PPIL2: variants seen among roughly 807,000 people sequenced by gnomAD.
PPIL2 encodes peptidylprolyl isomerase like 2, also known as RING-type E3 ubiquitin-protein ligase PPIL2.
A neutral mutation model predicts 75.2 loss-of-function variants in PPIL2; 50 were observed. The ratio of observed to expected loss-of-function variants is 0.66; its 90% CI spans 0.53 to 0.84. The LOEUF is 0.84. Among genes scored for constraint, PPIL2 ranks in the 40% least tolerant of loss-of-function variants. The pLI, the probability that PPIL2 is intolerant of heterozygous loss-of-function variation, is 0.00. For synonymous variants in PPIL2, 245 were observed against 258.8 expected (o/e 0.95, Z 0.51); for missense variants, 590 against 685.0 (o/e 0.86, Z 1.55).
At position 21,689,225 on chromosome 22, in the gene PPIL2, G is replaced by C. The variant is rs60997543; in HGVS notation, c.1139+376G>C. ...GGGAGAGGCGCCTGGAGAGACACAG[G>C]AGGTCTGGCCCTGGTGCATGTGGGG... On this transcript the variant is annotated intron_variant, in intron 15 of 19. Transcript: ENST00000398831. Among the ~76,000 whole-genome samples, 509 of 152,330 alleles carry C rather than the reference G, an allele frequency of 3.3e-3. 2 individuals carry two copies. Among genetic ancestry groups the C allele is most frequent in the African/African-American group, 0.012 (484 of 41,576 alleles).
intron 4 of PPIL2, among the ~76,000 whole-genome samples, chr22:21,671,816 T>C (rs1237841102): frequency 6.6e-6 from 1 of 152,222 alleles, no homozygotes; most frequent in Non-Finnish European, 1.5e-5. Flanking sequence ...TTTGGGAGGC[T>C]GAGGCAGGAG....
In PPIL2 at chr22:21,670,701, C is replaced by T. The variant is rs16990218; in HGVS notation, c.128+90C>T. ...TGCCCCTTGTGGATGTGGGGTTATG[C>T]GTAAAAGTGTGCCTTGAAGATGTGG... On this transcript the variant is annotated intron_variant, in intron 3 of 19. Coordinates refer to ENST00000398831, the MANE Select transcript of PPIL2 (RefSeq NM_014337.4). 2,287 of 1,370,160 alleles carry T rather than the reference C, an allele frequency of 1.7e-3. 24 individuals carry two copies. The African/African-American group carries it at 0.028, about 17-fold the overall frequency. The allele number at this position is 1,370,160 out of a possible 1,614,324, so 84.9% of individuals were successfully genotyped here.
At chr22:21,678,689 C>T (rs1366717564) in intron 6 of PPIL2, among the ~76,000 whole-genome samples, 1 of 152,014 alleles carries the variant, frequency 6.6e-6, no homozygotes, top group East Asian at 1.9e-4. Context: ...TGCTGAAGCC[C>T]CAATTTAAAA....
intron 6 of PPIL2, among the ~76,000 whole-genome samples, chr22:21,677,636 A>G (rs1438373085): frequency 2.6e-5 from 4 of 152,208 alleles, no homozygotes; most frequent in Non-Finnish European, 5.9e-5. Context: ...CAGTGAGCCG[A>G]GATGGCAGCA....
At chr22:21,687,815 G>GGGCCCTGGCCCATCCCAC in intron 13 of PPIL2, 83 bp downstream of exon 13, 1 of 1,398,468 alleles carries the variant, frequency 7.2e-7, no homozygotes, top group Non-Finnish European at 1.0e-6. Flanking sequence ...CCCCATCCCA[G>GGGCCCTGGCCCATCCCAC]GGCCCTGGCC....
chr22:21,697,008 A>G lies in PPIL2; in HGVS notation c.*1518A>G. On this transcript the variant is annotated 3_prime_UTR_variant, in exon 20 of 20. Coordinates refer to ENST00000398831, the MANE Select transcript of PPIL2 (RefSeq NM_014337.4). ...GCTGGCTCCTTCTCTTCTCCAGCCCATCCCTCTGCAGCCTGTCATCCCTGT... is the reference window on the plus strand; with the variant it reads ...GCTGGCTCCTTCTCTTCTCCAGCCCGTCCCTCTGCAGCCTGTCATCCCTGT... 6.5e-7 allele frequency: 1 copy of G among 1,542,548 alleles called. No homozygotes were observed. The highest frequency in any genetic ancestry group is 8.8e-7 in the Non-Finnish European group (1 of 1,141,302).
Position 21,693,861 on chromosome 22 carries a change from C to A in PPIL2, c.1185C>A (p.Thr395=). Reference sequence around the variant, plus strand: ...GTGCCTACCTGGACAAGAAGCATACCATCTTTGGACGGTAAGGGAAGCGGC... The same window carrying A: ...GTGCCTACCTGGACAAGAAGCATACAATCTTTGGACGGTAAGGGAAGCGGC... The part of the protein sequence containing the change: ...RSCAYLDKKH[T]IFGRVVGGFD... The change falls in exon 16 of 20, where the codon ACC becomes ACA. Residue 395 remains threonine, a synonymous_variant. Coordinates refer to ENST00000398831, the MANE Select transcript of PPIL2 (RefSeq NM_014337.4). 1 of 1,543,090 alleles carries A rather than the reference C, an allele frequency of 6.5e-7. No homozygotes were observed. The highest frequency in any genetic ancestry group is 1.4e-5 in the African/African-American group (1 of 73,332).
In PPIL2 at chr22:21,696,381, C is replaced by T. The variant is rs1450656221; in HGVS notation, c.*891C>T. The stretch of plus-strand genomic sequence containing the variant: ...GAGAACAAGTGGATGTCCCTCTCCC[C>T]GCCCTCCTGCTGAAGTGGCCTTGCT... On this transcript the variant is annotated 3_prime_UTR_variant, in exon 20 of 20. Transcript: ENST00000398831. 1.3e-5 allele frequency: 15 copies of T among 1,151,804 alleles called. No homozygotes were observed. In the East Asian group the frequency reaches 2.6e-4, roughly 20 times the overall value. The allele number at this position is 1,151,804 out of a possible 1,614,324, so 71.3% of individuals were successfully genotyped here.
rs143851186 is a variant in PPIL2 at position 21,695,026 on chromosome 22, G to A, written c.1422G>A (p.Gln474=). ...SQPQAGSQGP[Q]TFRQGVGKYI... ...CCCAGGCAGGGAGCCAGGGCCCCCAGACCTTCCGCCAGGGCGTGGGCAAGT... is the reference window on the plus strand; with the variant it reads ...CCCAGGCAGGGAGCCAGGGCCCCCAAACCTTCCGCCAGGGCGTGGGCAAGT... Residue 474 remains glutamine, a synonymous_variant, in exon 19 of 20, where the codon CAG becomes CAA. Transcript: ENST00000398831. 6.2e-7 allele frequency: 1 copy of A among 1,612,856 alleles called. No homozygotes were observed. The highest frequency in any genetic ancestry group is 1.3e-5 in the African/African-American group (1 of 75,062).
Position 21,666,105 on chromosome 22 carries a change from G to T in PPIL2, c.6G>T (p.Gly2=). ...GTCGCCGCCGCCGCTCCGCCATGGG[G>T]AAGCGACAGCACCAAAAGGACAAAA... M[G]KRQHQKDKMY... Residue 2 remains glycine, a synonymous_variant, in exon 1 of 20, where the codon GGG becomes GGT. Transcript: ENST00000398831. 1 of 1,613,740 alleles carries T rather than the reference G, an allele frequency of 6.2e-7. No homozygotes were observed. The highest frequency in any genetic ancestry group is 8.5e-7 in the Non-Finnish European group (1 of 1,179,828).
intron 3 of PPIL2, 136 bp from the exon 4 acceptor site, chr22:21,670,859 TGA>T: frequency 1.1e-6 from 1 of 935,172 alleles, no homozygotes; most frequent in Non-Finnish European, 1.8e-6. Context: ...AGAAGGTTGG[TGA>T]GAGAGGGAGG....
chr22:21,691,226 G>A (rs927834352), intron 15 of PPIL2, among the ~76,000 whole-genome samples: 9 of 151,920 alleles, frequency 5.9e-5, no homozygotes, highest in Admixed American at 5.2e-4. Flanking sequence ...TTACAGGCAT[G>A]AGCCACCACA....
intron 10 of PPIL2, chr22:21,685,827 C>T (rs1601566505): frequency 5.6e-6 from 2 of 355,434 alleles, no homozygotes; most frequent in East Asian, 7.9e-5. Flanking sequence ...TTTTCCCCGA[C>T]CCCTGATTAA....
At chr22:21,666,332 A>T (rs2066376159) in intron 1 of PPIL2, among the ~76,000 whole-genome samples, 2 of 152,084 alleles carry the variant, frequency 1.3e-5, no homozygotes, top group Non-Finnish European at 2.9e-5. Context: ...CGCGGCTCCG[A>T]TGACGTCAGC....
chr22:21,694,015 G>C (rs1276604533), intron 16 of PPIL2, 143 bp downstream of exon 16: 1 of 918,684 alleles, frequency 1.1e-6, no homozygotes, highest in African/African-American at 1.6e-5. Context: ...AGGCTATGCA[G>C]AGCTGCGATG....
At chr22:21,672,054 G>GA (rs1183664762) in intron 4 of PPIL2, among the ~76,000 whole-genome samples, 7 of 151,714 alleles carry the variant, frequency 4.6e-5, no homozygotes, top group Non-Finnish European at 7.4e-5. Flanking sequence ...TTGTCTCAAA[G>GA]AAAAAAAACC....
At chr22:21,687,610 C>G in intron 12 of PPIL2, 33 bp from the exon 13 acceptor site, 8 of 958,284 alleles carry the variant, frequency 8.3e-6, no homozygotes, top group Non-Finnish European at 1.2e-5. Flanking sequence ...TGGCAGCTCT[C>G]TGCTTCATAC....
At chr22:21,683,379 A>G in intron 9 of PPIL2, 122 bp downstream of exon 9, 1 of 805,844 alleles carries the variant, frequency 1.2e-6, no homozygotes. Context: ...CAGGCCCTGC[A>G]TTTTCTGAAC....
chr22:21,668,718 T>C (rs1296820613), intron 1 of PPIL2, among the ~76,000 whole-genome samples: 4 of 150,758 alleles, frequency 2.7e-5, no homozygotes, highest in African/African-American at 7.3e-5. Flanking sequence ...GATACCATTT[T>C]TTTTTTTTTT....
Sources: gnomAD v4.1 joint callset for allele counts (sites outside exome capture counted in the v4.1 genomes callset) on GRCh38, gnomAD v4.1.1 for gene constraint, MANE v1.5 for transcripts, NCBI Gene and HGNC (gene_info 2026-07-23, HGNC 2026-07-21) for gene names.